Variants in UBXN8 observed in about 807,000 individuals in gnomAD.
UBXN8 encodes UBX domain protein 8.
UBXN8 carries 27 observed loss-of-function variants against 32.1 expected under a neutral mutation model. The ratio of observed to expected loss-of-function variants is 0.84; its 90% CI spans 0.62 to 1.16. The LOEUF is 1.16. Ranked by LOEUF, UBXN8 falls within the 50% of genes most tolerant of loss-of-function variation. The pLI is 0.00. For missense variants in UBXN8, 306 were observed against 311.4 expected (o/e 0.98, Z 0.13); for synonymous variants, 109 against 111.8 (o/e 0.98, Z 0.16).
At chr8:30,748,788 G>A (rs940656632) in intron 1 of UBXN8, among the ~76,000 whole-genome samples, 3 of 152,052 alleles carry the variant, frequency 2.0e-5, no homozygotes, top group African/African-American at 7.2e-5. Flanking sequence ...TGATCCACCC[G>A]CCTTGGCCTC....
At chr8:30,749,088 G>T (rs1278109423) in intron 1 of UBXN8, among the ~76,000 whole-genome samples, 1 of 151,922 alleles carries the variant, frequency 6.6e-6, no homozygotes, top group Non-Finnish European at 1.5e-5. Flanking sequence ...TTTCACTTTG[G>T]TTCTTAATAT....
At chr8:30,757,202 T>C (rs565089067) in intron 5 of UBXN8, among the ~76,000 whole-genome samples, 4 of 150,792 alleles carry the variant, frequency 2.7e-5, no homozygotes, top group Admixed American at 2.0e-4. Flanking sequence ...ATATTAATGA[T>C]GTTCTGAATC....
upstream of UBXN8, among the ~76,000 whole-genome samples, chr8:30,740,931 C>A (rs376255543): frequency 6.6e-6 from 1 of 152,186 alleles, no homozygotes; most frequent in African/African-American, 2.4e-5. Flanking sequence ...CCTTCTCAGG[C>A]ACTGAGAAGT....
At chr8:30,730,752 C>T (rs1374190590), upstream of UBXN8, among the ~76,000 whole-genome samples, 1 of 152,212 alleles carries the variant, frequency 6.6e-6, no homozygotes, top group Non-Finnish European at 1.5e-5. Flanking sequence ...TGTATACTCC[C>T]TTTGATCCCG....
intron 7 of UBXN8, 121 bp from the exon 8 acceptor site, chr8:30,766,106 G>C: frequency 1.1e-6 from 1 of 938,144 alleles, no homozygotes; most frequent in East Asian, 3.1e-5. Context: ...TGAAACTTCT[G>C]TCTCATTACT....
At position 30,754,956 on chromosome 8, in the gene UBXN8, G is replaced by GTT. The variant is rs34741520; in HGVS notation, c.405+184_405+185dup. On this transcript the variant is annotated intron_variant, in intron 4 of 7. Coordinates refer to ENST00000265616, the MANE Select transcript of UBXN8 (RefSeq NM_005671.4). ...TTATTACATGGTTAAGGGGTTGGTC[G>GTT]TTTTTTTTTTTTTTTTGAGATGGAG... Among the ~76,000 whole-genome samples the GTT allele has an allele frequency of 3.5e-4, 46 of 129,614 alleles. 1 individual carries two copies. Among genetic ancestry groups the GTT allele is most frequent in the South Asian group, 1.3e-3 (5 of 3,904 alleles). 85.0% of individuals were successfully genotyped at this position (129,614 alleles called of 152,430 possible).
intron 1 of UBXN8, among the ~76,000 whole-genome samples, chr8:30,748,123 AT>A (rs1471987392): frequency 1.3e-5 from 2 of 149,034 alleles, no homozygotes; most frequent in African/African-American, 4.9e-5. Context: ...CTTAAGCTAA[AT>A]TTTTTTTCTT....
chr8:30,744,055 C>T, upstream of UBXN8: 7 of 750,470 alleles, frequency 9.3e-6, no homozygotes, highest in Non-Finnish European at 1.6e-5. Context: ...CCCTCAATAA[C>T]GACACGGCCG....
intron 5 of UBXN8, among the ~76,000 whole-genome samples, chr8:30,757,918 ACT>A (rs1805706847): frequency 6.6e-6 from 1 of 150,928 alleles, no homozygotes; most frequent in Admixed American, 6.6e-5. Context: ...ACAGAGTCTC[ACT>A]CTGTCGCCCA....
At chr8:30,760,267 G>A (rs936928131) in intron 5 of UBXN8, among the ~76,000 whole-genome samples, 7 of 149,192 alleles carry the variant, frequency 4.7e-5, no homozygotes, top group Non-Finnish European at 3.0e-5. Flanking sequence ...CACCATGTGA[G>A]CCACGCTGAT....
At chr8:30,745,382 A>C (rs1805335428) in intron 1 of UBXN8, among the ~76,000 whole-genome samples, 1 of 152,126 alleles carries the variant, frequency 6.6e-6, no homozygotes, top group South Asian at 2.1e-4. Flanking sequence ...AAAACTGTGG[A>C]GATGCTGAGA....
At chr8:30,752,277 G>C (rs1805539520) in intron 2 of UBXN8, among the ~76,000 whole-genome samples, 1 of 151,970 alleles carries the variant, frequency 6.6e-6, no homozygotes, top group Admixed American at 6.6e-5. Flanking sequence ...TCTTTTATAT[G>C]TAAATGTTTT....
chr8:30,759,367 C>T (rs1354990189), intron 5 of UBXN8, among the ~76,000 whole-genome samples: 1 of 150,864 alleles, frequency 6.6e-6, no homozygotes, highest in Non-Finnish European at 1.5e-5. Flanking sequence ...TCCTGAGTAG[C>T]AGGATTACAG....
intron 1 of UBXN8, among the ~76,000 whole-genome samples, chr8:30,735,936 G>C (rs1324389691): frequency 2.0e-5 from 3 of 152,230 alleles, no homozygotes; most frequent in Admixed American, 6.5e-5. Flanking sequence ...TGTGTCACCC[G>C]AAAGGTGGTG....
At chr8:30,742,949 A>C (rs16877326), upstream of UBXN8, among the ~76,000 whole-genome samples, 3,097 of 152,152 alleles carry the variant, frequency 0.02, 101 homozygotes, top group African/African-American at 0.071. Flanking sequence ...TCTTGAGGAC[A>C]AATTCAGTAA....
upstream of UBXN8, among the ~76,000 whole-genome samples, chr8:30,739,317 G>C (rs2978299): frequency 0.66 from 99,395 of 150,538 alleles, 39,477 homozygotes; most frequent in East Asian, 0.85. Context: ...GGCCGAGGCG[G>C]GTGGATCACG....
At chr8:30,754,841 A>G in intron 4 of UBXN8, 54 bp downstream of exon 4, 2 of 1,519,128 alleles carry the variant, frequency 1.3e-6, no homozygotes, top group Non-Finnish European at 1.7e-6. Flanking sequence ...GTTTCCTATT[A>G]CATGATTGAT....
Position 30,760,910 on chromosome 8 carries a change from C to A in UBXN8, c.551C>A (p.Pro184His). 2 of 1,536,968 alleles carry A rather than the reference C, an allele frequency of 1.3e-6. No individual in the cohort carries two copies. The highest frequency in any genetic ancestry group is 2.3e-5 in the East Asian group (1 of 42,762). ...CKEIPDLPEE[P>H]SQTAEEVVTV... ...TAGATTCCTGATTTACCTGAAGAAC[C>A]TTCTCAAACAGCAGAAGAAGTAAGT... Residue 184 changes from proline (P) to histidine (H), a missense_variant, in exon 6 of 8, where the codon CCT (proline) becomes CAT (histidine). Transcript: ENST00000265616.
intron 1 of UBXN8, chr8:30,733,890 G>A (rs946301952): frequency 3.3e-5 from 5 of 152,318 alleles, no homozygotes; most frequent in South Asian, 4.1e-4. Flanking sequence ...GGATTAATTC[G>A]GAGTAGCGGT....
Sources: gnomAD v4.1 joint callset for allele counts (sites outside exome capture counted in the v4.1 genomes callset) on GRCh38, gnomAD v4.1.1 for gene constraint, MANE v1.5 for transcripts, NCBI Gene and HGNC (gene_info 2026-07-23, HGNC 2026-07-21) for gene names.